Variants in IFT140 observed in about 807,000 individuals in gnomAD.
IFT140 encodes intraflagellar transport protein 140 homolog.
IFT140 carries 133 observed loss-of-function variants against 164.6 expected under a neutral mutation model. The observed-to-expected ratio is 0.81, with a 90% CI of 0.70 to 0.93. The LOEUF is 0.93. IFT140 is among the 40% of genes least tolerant of loss of function. The probability of loss-of-function intolerance (pLI) is 0.00; values close to 1 mark genes in which losing one functional copy is unlikely to be tolerated. For synonymous variants in IFT140, 860 were observed against 817.3 expected, an observed-to-expected ratio of 1.05 and a Z score of -0.89; for missense variants, 2,045 against 1,972.3, an observed-to-expected ratio of 1.04 and a Z score of -0.70.
At chr16:1,538,272 C>A (rs1042177861) in intron 19 of IFT140, among the ~76,000 whole-genome samples, 1 of 152,178 alleles carries the variant, frequency 6.6e-6, no homozygotes, top group Non-Finnish European at 1.5e-5. Context: ...TGCACAGAGC[C>A]CCTGCCATGG....
At chr16:1,542,567 T>TA (rs2031753186) in intron 19 of IFT140, among the ~76,000 whole-genome samples, 1 of 152,196 alleles carries the variant, frequency 6.6e-6, no homozygotes, top group South Asian at 2.1e-4. Flanking sequence ...TGTGCTCTGT[T>TA]ATAAACGCAG....
intron 4 of IFT140, among the ~76,000 whole-genome samples, chr16:1,595,141 C>T (rs998894462): frequency 6.6e-5 from 10 of 152,046 alleles, no homozygotes; most frequent in Non-Finnish European, 5.9e-5. Flanking sequence ...AAAGATTAGC[C>T]GGGCGTGGCG....
rs1234584425 is a variant in IFT140, at chr16:1,586,151, T to C, written c.1134A>G (p.Gln378=). ...RWALQTPTEL[Q]GNITQIQWGS... is the part of the protein sequence containing the mutation. ...GTACCTGGATTTGCGTGATGTTTCC[T>C]TGGAGCTCGGTAGGGGTCTGAAGGG... The change falls in exon 10 of 31, where the codon CAA becomes CAG. Residue 378 remains glutamine (Q), a synonymous_variant. Coordinates refer to ENST00000426508, the MANE Select transcript of IFT140 (RefSeq NM_014714.4). The C allele has an allele frequency of 1.9e-6, 3 of 1,613,690 alleles. No individual in the cohort carries two copies. The highest frequency in any genetic ancestry group is 1.3e-5 in the African/African-American group (1 of 75,022).
intron 30 of IFT140, 122 bp downstream of exon 30, chr16:1,518,094 T>C: frequency 1.0e-6 from 1 of 961,324 alleles, no homozygotes; most frequent in South Asian, 1.7e-5. Flanking sequence ...TGCCTCAGCC[T>C]CCCAAAGTGC....
intron 19 of IFT140, among the ~76,000 whole-genome samples, chr16:1,540,452 T>TG (rs2031526164): frequency 6.6e-6 from 1 of 152,214 alleles, no homozygotes; most frequent in Non-Finnish European, 1.5e-5. Flanking sequence ...CTTCCCCTGC[T>TG]GGGCTGGCTT....
At chr16:1,591,876 G>A (rs1031162590) in intron 6 of IFT140, among the ~76,000 whole-genome samples, 55 of 152,198 alleles carry the variant, frequency 3.6e-4, no homozygotes, top group African/African-American at 1.3e-3. Context: ...TTCCAAAACT[G>A]TCTCTGGTGC....
intron 10 of IFT140, among the ~76,000 whole-genome samples, chr16:1,584,662 G>C (rs958995070): frequency 1.3e-5 from 2 of 152,188 alleles, no homozygotes; most frequent in African/African-American, 4.8e-5. Flanking sequence ...GGCAGCACTG[G>C]TATGTCTGTT....
In IFT140 at chr16:1,526,712, G is replaced by T; in HGVS notation, c.2484C>A (p.Gly828=). The change falls in exon 20 of 31, where the codon GGC becomes GGA. Residue 828 remains glycine (G), a synonymous_variant. Transcript: ENST00000426508. ...GCAGCGCTCGGGCCCCGCGGGCATGGCCCATGTTCCCCAGGCACACCTTGG... is the reference window on the plus strand; with the variant it reads ...GCAGCGCTCGGGCCCCGCGGGCATGTCCCATGTTCCCCAGGCACACCTTGG... ...DVAKVCLGNM[G]HARGARALRE... 1 of 1,607,746 alleles carries T rather than the reference G, an allele frequency of 6.2e-7. No individual in the cohort carries two copies. Among genetic ancestry groups the T allele is most frequent in the East Asian group, 2.2e-5 (1 of 44,702 alleles).
intron 19 of IFT140, chr16:1,542,110 T>A: frequency 6.5e-7 from 1 of 1,545,146 alleles, no homozygotes; most frequent in South Asian, 1.2e-5. Flanking sequence ...CACCGCGCCC[T>A]TGCCCCCTGT....
intron 17 of IFT140, among the ~76,000 whole-genome samples, chr16:1,562,317 A>G (rs977699949): frequency 2.0e-5 from 3 of 152,118 alleles, no homozygotes; most frequent in Non-Finnish European, 4.4e-5. Context: ...GCCTACTGGA[A>G]GGACGCACCT....
chr16:1,536,141 T>A (rs1017466242), intron 19 of IFT140, among the ~76,000 whole-genome samples: 1 of 152,160 alleles, frequency 6.6e-6, no homozygotes, highest in Non-Finnish European at 1.5e-5. Flanking sequence ...GCTCTGCACC[T>A]CCAGGCCTCC....
intron 29 of IFT140, among the ~76,000 whole-genome samples, chr16:1,519,424 G>C (rs2040454410): frequency 1.3e-5 from 2 of 152,166 alleles, no homozygotes; most frequent in Admixed American, 1.3e-4. Flanking sequence ...TGAAAACCGA[G>C]ACCATCGGCT....
In IFT140 at chr16:1,511,143, C is replaced by T. The variant is rs770636131; in HGVS notation, c.4190G>A (p.Arg1397Lys). Reference sequence around the variant, plus strand: ...CCGCCGCCGCATCTCCTCCAGGAATCTGTAGGCCTGGGGCAGAGGAGCAGA... The same window carrying T: ...CCGCCGCCGCATCTCCTCCAGGAATTTGTAGGCCTGGGGCAGAGGAGCAGA... ...VRKEEYQTAY[R>K]FLEEMRRRLP... The change falls in exon 31 of 31, where the codon AGA becomes AAA. Residue 1397 changes from arginine to lysine, a missense_variant. Transcript: ENST00000426508. 5.0e-6 allele frequency: 8 copies of T among 1,605,550 alleles called. 1 individual carries two copies. The South Asian group carries it at 7.8e-5, about 16-fold the overall frequency.
At chr16:1,594,727 G>A (rs1341372402) in intron 4 of IFT140, among the ~76,000 whole-genome samples, 2 of 152,212 alleles carry the variant, frequency 1.3e-5, no homozygotes, top group Non-Finnish European at 2.9e-5. Flanking sequence ...GACAGCCGGC[G>A]GGGCCTCCCG....
intron 4 of IFT140, among the ~76,000 whole-genome samples, chr16:1,593,491 T>G (rs2035296493): frequency 6.6e-6 from 1 of 152,008 alleles, no homozygotes; most frequent in Non-Finnish European, 1.5e-5. Context: ...TTTGTATTTT[T>G]AGTAGAGACA....
chr16:1,608,638 A>G (rs2036193233), intron 2 of IFT140, among the ~76,000 whole-genome samples: 1 of 151,328 alleles, frequency 6.6e-6, no homozygotes, highest in Non-Finnish European at 1.5e-5. Context: ...CCTCAAAAAA[A>G]AAAAAAAAAA....
chr16:1,608,391 G>T (rs112769642), intron 2 of IFT140, among the ~76,000 whole-genome samples: 1 of 152,140 alleles, frequency 6.6e-6, no homozygotes, highest in Non-Finnish European at 1.5e-5. Flanking sequence ...CAATTTGGGA[G>T]GCCGAGGTGG....
intron 12 of IFT140, among the ~76,000 whole-genome samples, chr16:1,582,216 G>A (rs1025958875): frequency 2.9e-4 from 44 of 152,194 alleles, no homozygotes; most frequent in African/African-American, 1.0e-3. Context: ...GCAGAAGATG[G>A]TAAGGTCTTG....
intron 18 of IFT140, among the ~76,000 whole-genome samples, chr16:1,558,859 G>T (rs2033250508): frequency 6.6e-6 from 1 of 152,214 alleles, no homozygotes; most frequent in Non-Finnish European, 1.5e-5. Flanking sequence ...CTGCTATTCT[G>T]TGACTTCCTG....
Sources: gnomAD v4.1 joint callset for allele counts (sites outside exome capture counted in the v4.1 genomes callset) on GRCh38, gnomAD v4.1.1 for gene constraint, MANE v1.5 for transcripts, NCBI Gene and HGNC (gene_info 2026-07-23, HGNC 2026-07-21) for gene names.